The following ZNF28 variants were observed in gnomAD, a reference collection of about 807,000 sequenced individuals.
The protein encoded by ZNF28 is zinc finger protein 28.
A neutral mutation model predicts 7.2 loss-of-function variants in ZNF28; 5 were observed. The ratio of observed to expected loss-of-function variants is 0.70; its 90% CI spans 0.36 to 1.46. ZNF28 has a LOEUF of 1.46. Among genes scored for constraint, ZNF28 ranks in the 40% most tolerant of loss-of-function variants. The pLI, the probability that ZNF28 is intolerant of heterozygous loss-of-function variation, is 0.03. For synonymous variants in ZNF28, 288 were observed against 292.4 expected, an observed-to-expected ratio of 0.99 and a Z score of 0.15; for missense variants, 879 against 866.6, an observed-to-expected ratio of 1.01 and a Z score of -0.18.
Position 52,798,849 on chromosome 19 carries a change from A to T in ZNF28, c.*839T>A. On this transcript the variant is annotated 3_prime_UTR_variant, in exon 4 of 4. Coordinates refer to ENST00000457749, the MANE Select transcript of ZNF28 (RefSeq NM_006969.5). ...AAAACTTTGTGACAATCATTATATT[A>T]GTCAAGTTTCCCTATACTATGGATT... 2.5e-6 allele frequency: 3 copies of T among 1,188,680 alleles called. No individual in the cohort carries two copies. The East Asian group carries it at 1.0e-4, about 40-fold the overall frequency. 73.6% of individuals were successfully genotyped at this position (1,188,680 alleles called of 1,614,324 possible).
chr19:52,818,170 C>G, intron 1 of ZNF28, 139 bp from the exon 2 acceptor site: 1 of 934,758 alleles, frequency 1.1e-6, no homozygotes, highest in Non-Finnish European at 1.5e-6. Flanking sequence ...ACAAAAAATT[C>G]CTACAGGAAA....
At chr19:52,802,850 T>C (rs1475261254) in intron 3 of ZNF28, among the ~76,000 whole-genome samples, 5 of 146,228 alleles carry the variant, frequency 3.4e-5, no homozygotes, top group African/African-American at 1.3e-4. Context: ...AAGCTCCACC[T>C]CCCGGGTTCA....
intron 2 of ZNF28, among the ~76,000 whole-genome samples, chr19:52,817,462 G>A (rs1473395755): frequency 6.6e-6 from 1 of 152,148 alleles, no homozygotes; most frequent in East Asian, 1.9e-4. Flanking sequence ...TTTGGAGTCA[G>A]AAACACAGGA....
intron 1 of ZNF28, 96 bp from the exon 2 acceptor site, chr19:52,818,127 A>G: frequency 7.8e-7 from 1 of 1,274,946 alleles, no homozygotes; most frequent in Non-Finnish European, 1.1e-6. Context: ...CCTTGAGGAA[A>G]TATGGTCCCC....
chr19:52,806,870 G>A (rs2062943459), intron 3 of ZNF28, among the ~76,000 whole-genome samples: 1 of 152,076 alleles, frequency 6.6e-6, no homozygotes, highest in Non-Finnish European at 1.5e-5. Context: ...CCAGTGCACT[G>A]TAGCCTGGGC....
intron 2 of ZNF28, among the ~76,000 whole-genome samples, chr19:52,812,373 G>A (rs1451453925): frequency 7.1e-6 from 1 of 140,594 alleles, no homozygotes; most frequent in Non-Finnish European, 1.5e-5. Flanking sequence ...TGCCGGGTCT[G>A]TGTGGATAGA....
chr19:52,802,185 CAT>C (rs1230329468), intron 3 of ZNF28, among the ~76,000 whole-genome samples: 5 of 152,158 alleles, frequency 3.3e-5, no homozygotes, highest in African/African-American at 1.2e-4. Flanking sequence ...GTCAAACAAT[CAT>C]AGCACTGACA....
chr19:52,802,820 GCA>G (rs1252058272), intron 3 of ZNF28, among the ~76,000 whole-genome samples: 172 of 149,634 alleles, frequency 1.1e-3, no homozygotes, highest in African/African-American at 4.2e-3. Flanking sequence ...GAGTGCAGTG[GCA>G]TGATCTCGGC....
At chr19:52,803,307 C>G (rs1298027037) in intron 3 of ZNF28, among the ~76,000 whole-genome samples, 1 of 151,888 alleles carries the variant, frequency 6.6e-6, no homozygotes, top group Non-Finnish European at 1.5e-5. Flanking sequence ...TCTCGAACTC[C>G]TGACCTCAGA....
At chr19:52,813,410 T>C (rs577994845) in intron 2 of ZNF28, among the ~76,000 whole-genome samples, 2 of 147,366 alleles carry the variant, frequency 1.4e-5, no homozygotes, top group Non-Finnish European at 1.5e-5. Flanking sequence ...GTCTCAACAG[T>C]GCAAGCTGCT....
intron 2 of ZNF28, among the ~76,000 whole-genome samples, chr19:52,817,241 G>A (rs184687510): frequency 5.3e-5 from 8 of 152,124 alleles, no homozygotes; most frequent in African/African-American, 1.4e-4. Flanking sequence ...GCATGGTGGC[G>A]CATGCTTGTA....
chr19:52,816,981 T>C (rs1422549855), intron 2 of ZNF28, among the ~76,000 whole-genome samples: 1 of 151,958 alleles, frequency 6.6e-6, no homozygotes, highest in African/African-American at 2.4e-5. Flanking sequence ...TTCACAAGCC[T>C]CTCCACAGTA....
intron 3 of ZNF28, among the ~76,000 whole-genome samples, chr19:52,804,477 T>C (rs1245937039): frequency 6.6e-6 from 1 of 152,056 alleles, no homozygotes; most frequent in African/African-American, 2.4e-5. Context: ...TTCCAGTGAT[T>C]CTCCTGCCTC....
rs1189844192 is a variant in ZNF28, at chr19:52,813,697, GTGTT to G, written c.15+4243_15+4246del. On this transcript the variant is annotated intron_variant, in intron 2 of 3. Transcript: ENST00000457749. ...TGTTTCCTTTTGTGTTTCTTTTTCT[GTGTT>G]GAGTGTCTTTGTTTACAGGTTTCTG... Among the ~76,000 whole-genome samples the G allele has an allele frequency of 5.9e-4, 81 of 137,584 alleles. 13 individuals carry two copies. Among genetic ancestry groups the G allele is most frequent in the African/African-American group, 2.3e-3 (77 of 34,114 alleles). 90.3% of individuals were successfully genotyped at this position (137,584 alleles called of 152,430 possible).
Position 52,799,408 on chromosome 19 carries a change from C to A in ZNF28, c.*280G>T, listed in dbSNP as rs745362004. ...TGTGTTTCAAGGTTTGATTTGCAAC[C>A]GAAAACTTTGTCACATTCTTCCTAT... On this transcript the variant is annotated 3_prime_UTR_variant, in exon 4 of 4. Coordinates refer to ENST00000457749, the MANE Select transcript of ZNF28 (RefSeq NM_006969.5). The A allele has an allele frequency of 1.9e-4, 123 of 656,396 alleles. No individual in the cohort carries two copies. In the African/African-American group the frequency reaches 2.1e-3, roughly 11 times the overall value. The allele number at this position is 656,396 out of a possible 1,614,324, so 40.7% of individuals were successfully genotyped here.
rs2062832781 is a variant in ZNF28 at position 52,799,381 on chromosome 19, T to C, written c.*307A>G. 1.7e-6 allele frequency: 1 copy of C among 595,280 alleles called. No homozygotes were observed. Among genetic ancestry groups the C allele is most frequent in the African/African-American group, 1.9e-5 (1 of 53,690 alleles). 36.9% of individuals were successfully genotyped at this position (595,280 alleles called of 1,614,324 possible). A position where few individuals can be genotyped will look rare whatever the true frequency, so the allele number is the denominator to read the frequency against. On this transcript the variant is annotated 3_prime_UTR_variant, in exon 4 of 4. Coordinates refer to ENST00000457749, the MANE Select transcript of ZNF28 (RefSeq NM_006969.5). ...GGTTTCTCTTCAGCATGCATTTTCT[T>C]ATGTGTTTCAAGGTTTGATTTGCAA...
In ZNF28 at chr19:52,799,408, C is replaced by T. The variant is rs745362004; in HGVS notation, c.*280G>A. ...TGTGTTTCAAGGTTTGATTTGCAAC[C>T]GAAAACTTTGTCACATTCTTCCTAT... is the stretch of plus-strand genomic sequence containing the variant. On this transcript the variant is annotated 3_prime_UTR_variant, in exon 4 of 4. Transcript: ENST00000457749. 19 of 656,394 alleles carry T rather than the reference C, an allele frequency of 2.9e-5. No homozygotes were observed. Among genetic ancestry groups the T allele is most frequent in the East Asian group, 8.3e-5 (3 of 36,316 alleles). The allele number at this position is 656,394 out of a possible 1,614,324, so 40.7% of individuals were successfully genotyped here. A position where few individuals can be genotyped will look rare whatever the true frequency, so the allele number is the denominator to read the frequency against.
rs916986582 is a variant in ZNF28, at chr19:52,813,420, T to C, written c.15+4524A>G. ...GACACGTCTCAACAGTGCAAGCTGC[T>C]CCCCGTGTTTCCCTGCCCCACTTCG... On this transcript the variant is annotated intron_variant, in intron 2 of 3. Transcript: ENST00000457749. Among the ~76,000 whole-genome samples the C allele has an allele frequency of 2.4e-4, 35 of 147,144 alleles. 1 individual carries two copies. The highest frequency in any genetic ancestry group is 8.4e-4 in the African/African-American group (32 of 38,306).
rs1281818927 is a variant in ZNF28 at position 52,799,345 on chromosome 19, T to C, written c.*343A>G. 4 of 530,424 alleles carry C rather than the reference T, an allele frequency of 7.5e-6. No homozygotes were observed. Among genetic ancestry groups the C allele is most frequent in the Non-Finnish European group, 1.4e-5 (4 of 289,200 alleles). 32.9% of individuals were successfully genotyped at this position (530,424 alleles called of 1,614,324 possible). Reference sequence around the variant, plus strand: ...TATTCAAAAATCTTGTCATAAACCTTACATCTGTGTGGTTTCTCTTCAGCA... The same window carrying C: ...TATTCAAAAATCTTGTCATAAACCTCACATCTGTGTGGTTTCTCTTCAGCA... On this transcript the variant is annotated 3_prime_UTR_variant, in exon 4 of 4. Coordinates refer to ENST00000457749, the MANE Select transcript of ZNF28 (RefSeq NM_006969.5).
Sources: gnomAD v4.1 joint callset for allele counts (sites outside exome capture counted in the v4.1 genomes callset) on GRCh38, gnomAD v4.1.1 for gene constraint, MANE v1.5 for transcripts, NCBI Gene and HGNC (gene_info 2026-07-23, HGNC 2026-07-21) for gene names.